Variants in CCSER1 observed in about 807,000 individuals in gnomAD.
The protein encoded by CCSER1 is serine-rich coiled-coil domain-containing protein 1.
A neutral mutation model predicts 82.0 loss-of-function variants in CCSER1; 41 were observed. The observed-to-expected ratio is 0.50, with a 90% confidence interval of 0.39 to 0.65. CCSER1 has a LOEUF of 0.65. Among genes scored for constraint, CCSER1 ranks in the 30% least tolerant of loss-of-function variants. The pLI, the probability that CCSER1 is intolerant of heterozygous loss-of-function variation, is 0.00. For synonymous variants in CCSER1, 414 were observed against 383.9 expected, an observed-to-expected ratio of 1.08 and a Z score of -0.92; for missense variants, 1,119 against 1,064.2, an observed-to-expected ratio of 1.05 and a Z score of -0.72.
chr4:90,780,272 T>C (rs979579940), intron 7 of CCSER1, among the ~76,000 whole-genome samples: 20 of 152,294 alleles, frequency 1.3e-4, no homozygotes, highest in African/African-American at 4.6e-4. Context: ...AAAAAGGAGA[T>C]AGACCAGAAT....
chr4:90,584,439 A>G (rs1279690212), intron 5 of CCSER1, among the ~76,000 whole-genome samples: 1 of 152,170 alleles, frequency 6.6e-6, no homozygotes, highest in Non-Finnish European at 1.5e-5. Context: ...AGCAACAGAA[A>G]AAGCTTGGGG....
chr4:90,291,960 A>G (rs921999817), intron 1 of CCSER1, among the ~76,000 whole-genome samples: 2 of 151,980 alleles, frequency 1.3e-5, no homozygotes, highest in African/African-American at 4.8e-5. Context: ...TCTAAAACCT[A>G]TATCCCTGTT....
intron 7 of CCSER1, among the ~76,000 whole-genome samples, chr4:90,751,139 A>G (rs560372332): frequency 5.1e-4 from 78 of 152,260 alleles, no homozygotes; most frequent in Non-Finnish European, 9.7e-4. Flanking sequence ...TCCTTCAGCC[A>G]AATATAAACT....
intron 8 of CCSER1, among the ~76,000 whole-genome samples, chr4:90,892,936 T>A (rs1282536473): frequency 2.6e-5 from 4 of 152,088 alleles, no homozygotes; most frequent in Non-Finnish European, 5.9e-5. Context: ...TATAAAATGA[T>A]TAGATTGCTG....
At chr4:90,483,371 C>T (rs984777898) in intron 5 of CCSER1, among the ~76,000 whole-genome samples, 2 of 152,166 alleles carry the variant, frequency 1.3e-5, no homozygotes, top group African/African-American at 4.8e-5. Context: ...AGTCCACATA[C>T]ATTTAAGGTT....
intron 10 of CCSER1, among the ~76,000 whole-genome samples, chr4:91,236,124 C>T (rs1322649954): frequency 6.6e-6 from 1 of 152,180 alleles, no homozygotes; most frequent in African/African-American, 2.4e-5. Flanking sequence ...AGAATTAGCA[C>T]ATTTCATACT....
At chr4:91,359,839 G>A (rs940477939) in intron 10 of CCSER1, among the ~76,000 whole-genome samples, 1 of 151,844 alleles carries the variant, frequency 6.6e-6, no homozygotes, top group Admixed American at 6.6e-5. Flanking sequence ...CAGTGGTGTG[G>A]CAGAGGTGGT....
At chr4:90,391,483 T>TATATACAC (rs1554021253) in intron 3 of CCSER1, among the ~76,000 whole-genome samples, 1 of 84,944 alleles carries the variant, frequency 1.2e-5, no homozygotes. Flanking sequence ...TATATATATA[T>TATATACAC]ATACACACAC....
At chr4:90,439,267 G>A (rs1046181326) in intron 4 of CCSER1, among the ~76,000 whole-genome samples, 24 of 152,016 alleles carry the variant, frequency 1.6e-4, no homozygotes, top group South Asian at 4.2e-4. Flanking sequence ...TAGCCCGTGT[G>A]ACAGAGCAAG....
At chr4:90,439,263 G>A (rs28570981) in intron 4 of CCSER1, among the ~76,000 whole-genome samples, 1,591 of 152,176 alleles carry the variant, frequency 0.01, 21 homozygotes, top group African/African-American at 0.036. Context: ...ACTCTAGCCC[G>A]TGTGACAGAG....
At chr4:91,475,248 C>A (rs896599179) in intron 10 of CCSER1, among the ~76,000 whole-genome samples, 1 of 151,664 alleles carries the variant, frequency 6.6e-6, no homozygotes, top group Non-Finnish European at 1.5e-5. Flanking sequence ...TAGGCCTTCT[C>A]CTTCAGACCC....
intron 5 of CCSER1, among the ~76,000 whole-genome samples, chr4:90,603,708 A>G (rs1021647985): frequency 6.6e-6 from 1 of 152,192 alleles, no homozygotes; most frequent in Non-Finnish European, 1.5e-5. Context: ...TAGAAACGTA[A>G]TGGCTCACAG....
chr4:91,216,544 T>C (rs915703966), intron 10 of CCSER1, among the ~76,000 whole-genome samples: 20 of 152,090 alleles, frequency 1.3e-4, no homozygotes, highest in African/African-American at 4.8e-4. Context: ...ATGGTCTCCA[T>C]CTCCTGACTT....
chr4:91,379,111 A>C (rs192218139), intron 10 of CCSER1, among the ~76,000 whole-genome samples: 1 of 152,180 alleles, frequency 6.6e-6, no homozygotes, highest in Non-Finnish European at 1.5e-5. Flanking sequence ...CCACTTGATC[A>C]TGGTGGATGA....
intron 7 of CCSER1, among the ~76,000 whole-genome samples, chr4:90,747,216 T>A (rs986649598): frequency 3.9e-5 from 6 of 152,226 alleles, no homozygotes; most frequent in African/African-American, 9.6e-5. Context: ...GCATTTCTTT[T>A]ATTAACAAAC....
intron 5 of CCSER1, among the ~76,000 whole-genome samples, chr4:90,613,963 C>A (rs1157325240): frequency 6.6e-6 from 1 of 152,094 alleles, no homozygotes; most frequent in South Asian, 2.1e-4. Context: ...TTTTATTGCA[C>A]CTTGCTTTAC....
chr4:90,884,787 A>T (rs952434573), intron 8 of CCSER1, among the ~76,000 whole-genome samples: 1 of 152,148 alleles, frequency 6.6e-6, no homozygotes, highest in African/African-American at 2.4e-5. Flanking sequence ...AAAACAAACA[A>T]ATGAGGATTC....
At chr4:90,313,279 G>A (rs1318274257) in intron 3 of CCSER1, among the ~76,000 whole-genome samples, 1 of 152,140 alleles carries the variant, frequency 6.6e-6, no homozygotes, top group Non-Finnish European at 1.5e-5. Flanking sequence ...TCCATGGAAA[G>A]TTTGACATTC....
At chr4:91,312,979 G>T (rs1322050129) in intron 10 of CCSER1, among the ~76,000 whole-genome samples, 1 of 151,788 alleles carries the variant, frequency 6.6e-6, no homozygotes, top group Non-Finnish European at 1.5e-5. Context: ...CCCTTTCCAA[G>T]ATTAAAAAAT....
Sources: allele counts gnomAD v4.1 joint callset (sites outside exome capture counted in the v4.1 genomes callset), GRCh38; gene constraint gnomAD v4.1.1; transcripts MANE v1.5; gene names NCBI Gene and HGNC (gene_info 2026-07-23, HGNC 2026-07-21).